EPM2A: variants seen among roughly 807,000 people sequenced by gnomAD.
The protein encoded by EPM2A is laforin.
A neutral mutation model predicts 26.5 loss-of-function variants in EPM2A; 21 were observed. The ratio of observed to expected loss-of-function variants is 0.79; its 90% CI spans 0.56 to 1.14. The LOEUF is 1.14. Among genes scored for constraint, EPM2A ranks in the 50% most tolerant of loss-of-function variants. EPM2A has a pLI of 0.00. For missense variants in EPM2A, 458 were observed against 440.8 expected, an observed-to-expected ratio of 1.04 and a Z score of -0.35; for synonymous variants, 217 against 177.6, an observed-to-expected ratio of 1.22 and a Z score of -1.76.
chr6:145,516,479 A>G (rs550962396), intron 2 of EPM2A, among the ~76,000 whole-genome samples: 2 of 152,268 alleles, frequency 1.3e-5, no homozygotes, highest in East Asian at 3.9e-4. Flanking sequence ...ACTGGTGGCT[A>G]AGATCAAGAT....
intron 2 of EPM2A, among the ~76,000 whole-genome samples, chr6:145,540,530 T>A (rs1476208895): frequency 6.6e-6 from 1 of 152,170 alleles, no homozygotes; most frequent in Non-Finnish European, 1.5e-5. Context: ...GATTCTCATA[T>A]GTATGTTAGA....
chr6:145,408,577 A>T (rs1399648479), intron 4 of EPM2A, among the ~76,000 whole-genome samples: 1 of 152,116 alleles, frequency 6.6e-6, no homozygotes, highest in Non-Finnish European at 1.5e-5. Flanking sequence ...GACCCACTTA[A>T]GTGGGCCTTC....
chr6:145,466,123 C>T (rs1483675112), intron 4 of EPM2A, among the ~76,000 whole-genome samples: 4 of 151,638 alleles, frequency 2.6e-5, no homozygotes, highest in Non-Finnish European at 5.9e-5. Context: ...GCAACAAAAG[C>T]CAAAATTGAC....
intron 1 of EPM2A, among the ~76,000 whole-genome samples, chr6:145,695,279 G>A (rs1045091584): frequency 6.6e-6 from 1 of 151,816 alleles, no homozygotes; most frequent in Admixed American, 6.6e-5. Flanking sequence ...TAATTGCAAA[G>A]CAAAACCCTA....
At chr6:145,543,430 C>CA (rs928320112) in intron 2 of EPM2A, among the ~76,000 whole-genome samples, 5 of 151,484 alleles carry the variant, frequency 3.3e-5, no homozygotes, top group Non-Finnish European at 5.9e-5. Flanking sequence ...GGAAGTCACC[C>CA]AAAAAACCTT....
chr6:145,446,067 G>A (rs996407921), intron 4 of EPM2A, among the ~76,000 whole-genome samples: 1 of 152,274 alleles, frequency 6.6e-6, no homozygotes, highest in East Asian at 1.9e-4. Context: ...CCCAAGCTGA[G>A]CCACAAGCCA....
In EPM2A at chr6:145,735,325, G is replaced by A. The variant is rs1359139088; in HGVS notation, c.174C>T (p.Gly58=). The A allele has an allele frequency of 3.6e-6, 5 of 1,379,084 alleles. No homozygotes were observed. The highest frequency in any genetic ancestry group is 9.5e-7 in the Non-Finnish European group (1 of 1,054,164). 85.4% of individuals were successfully genotyped at this position (1,379,084 alleles called of 1,614,324 possible). The change falls in exon 1 of 4, where the codon GGC becomes GGT. Residue 58 remains glycine (G), a synonymous_variant. Transcript: ENST00000367519. ...GDGALALQEP[G]LWLGEVELAA... Reference sequence around the variant, plus strand: ...CCAGCTCCACCTCCCCGAGCCACAGGCCCGGCTCCTGCAGGGCCAGGGCCC... The same window carrying A: ...CCAGCTCCACCTCCCCGAGCCACAGACCCGGCTCCTGCAGGGCCAGGGCCC...
chr6:145,682,170 C>A (rs189875417), intron 2 of EPM2A, among the ~76,000 whole-genome samples: 1 of 152,098 alleles, frequency 6.6e-6, no homozygotes. Flanking sequence ...GAGCAAGTCA[C>A]GTCTTACATG....
intron 2 of EPM2A, among the ~76,000 whole-genome samples, chr6:145,675,586 G>A (rs1418148038): frequency 1.3e-5 from 2 of 152,164 alleles, no homozygotes; most frequent in African/African-American, 2.4e-5. Context: ...AAGGGATGGA[G>A]GAAGATCTAC....
intron 1 of EPM2A, among the ~76,000 whole-genome samples, chr6:145,690,562 A>G (rs1432436766): frequency 6.6e-6 from 1 of 151,308 alleles, no homozygotes; most frequent in Admixed American, 6.6e-5. Context: ...CTCATTACAT[A>G]ATACCCAAAA....
chr6:145,535,519 G>T (rs1780419335), intron 2 of EPM2A, among the ~76,000 whole-genome samples: 1 of 152,180 alleles, frequency 6.6e-6, no homozygotes, highest in South Asian at 2.1e-4. Context: ...ACCACAGTAG[G>T]TGGGTGAGCA....
chr6:145,439,139 G>C (rs1190727741), intron 4 of EPM2A, among the ~76,000 whole-genome samples: 2 of 152,032 alleles, frequency 1.3e-5, no homozygotes, highest in African/African-American at 4.8e-5. Flanking sequence ...CAGAGAACAC[G>C]ATCTCTTTCT....
chr6:145,654,525 A>G (rs1778121109), intron 2 of EPM2A, among the ~76,000 whole-genome samples: 1 of 152,218 alleles, frequency 6.6e-6, no homozygotes, highest in African/African-American at 2.4e-5. Flanking sequence ...GGAAATACAA[A>G]AAAGTTTTGA....
At chr6:145,394,056 C>T (rs1778372954) in intron 4 of EPM2A, among the ~76,000 whole-genome samples, 1 of 151,998 alleles carries the variant, frequency 6.6e-6, no homozygotes, top group South Asian at 2.1e-4. Flanking sequence ...ATCTCCTGAC[C>T]TTGTGAACTG....
chr6:145,441,024 C>T (rs1779055961), intron 4 of EPM2A, among the ~76,000 whole-genome samples: 2 of 152,244 alleles, frequency 1.3e-5, no homozygotes, highest in Non-Finnish European at 2.9e-5. Flanking sequence ...CCCACATTTT[C>T]CCTCTGCACT....
chr6:145,436,815 A>C (rs2114696706), intron 4 of EPM2A, among the ~76,000 whole-genome samples: 1 of 151,782 alleles, frequency 6.6e-6, no homozygotes, highest in East Asian at 1.9e-4. Flanking sequence ...CTCTCTAGTG[A>C]ATTTTTTATT....
At chr6:145,644,692 A>G (rs1323008372) in intron 2 of EPM2A, among the ~76,000 whole-genome samples, 1 of 152,010 alleles carries the variant, frequency 6.6e-6, no homozygotes, top group Non-Finnish European at 1.5e-5. Flanking sequence ...TAAAAATATT[A>G]TAATATTGAT....
chr6:145,710,256 C>G (rs1262607799), intron 1 of EPM2A, among the ~76,000 whole-genome samples: 1 of 151,826 alleles, frequency 6.6e-6, no homozygotes, highest in African/African-American at 2.4e-5. Context: ...ACAAAGAACT[C>G]AAATAAATTT....
chr6:145,448,836 AAAC>A (rs1355706771), intron 4 of EPM2A, among the ~76,000 whole-genome samples: 2 of 152,274 alleles, frequency 1.3e-5, no homozygotes, highest in South Asian at 4.1e-4. Flanking sequence ...AAAATAATCT[AAAC>A]AAAGTCTCTT....
Sources: allele counts gnomAD v4.1 joint callset (sites outside exome capture counted in the v4.1 genomes callset), GRCh38; gene constraint gnomAD v4.1.1; transcripts MANE v1.5; gene names NCBI Gene and HGNC (gene_info 2026-07-23, HGNC 2026-07-21).